Variants in PIEZO2 observed in about 807,000 individuals in gnomAD.
PIEZO2 encodes piezo-type mechanosensitive ion channel component 2.
Under a neutral mutation model 337.3 loss-of-function variants are expected in PIEZO2, and 172 were observed. The observed-to-expected ratio is 0.51, with a 90% confidence interval of 0.45 to 0.58. PIEZO2 has a LOEUF of 0.58. Among genes scored for constraint, PIEZO2 ranks in the 20% least tolerant of loss-of-function variants. PIEZO2 has a pLI of 0.00. For synonymous variants in PIEZO2, 1,251 were observed against 1,228.5 expected (o/e 1.02, Z -0.38); for missense variants, 3,028 against 3,391.3 (o/e 0.89, Z 2.66).
In PIEZO2 at chr18:10,716,457, G is replaced by A. The variant is rs2036014513; in HGVS notation, c.5090-641C>T. 6.6e-6 allele frequency among the ~76,000 whole-genome samples: 1 copy of A among 152,062 alleles called. No individual in the cohort carries two copies. The highest frequency in any genetic ancestry group is 2.1e-4 in the South Asian group (1 of 4,826). ...TCCCACCTGTGCTGTCACTACCCTG[G>A]TGACACCCAAACCTCAAAACCATGT... is the stretch of plus-strand genomic sequence containing the variant. On this transcript the variant is annotated intron_variant, in intron 37 of 55. Transcript: ENST00000674853. The surrounding 1 kb of genome is among the most constrained non-coding windows in gnomAD (Gnocchi z 4.1).
chr18:11,066,649 G>A (rs1040998517), intron 1 of PIEZO2, among the ~76,000 whole-genome samples: 10 of 152,130 alleles, frequency 6.6e-5, no homozygotes, highest in African/African-American at 2.4e-4. Flanking sequence ...GCCTAGGCTG[G>A]AGTGCAATGG....
At chr18:10,809,260 CTTTTTTTTTTT>C (rs869210659) in intron 7 of PIEZO2, among the ~76,000 whole-genome samples, 27 of 65,830 alleles carry the variant, frequency 4.1e-4, no homozygotes, top group Non-Finnish European at 5.3e-4. Flanking sequence ...CTCTCTCTCT[CTTTTTTTTTTT>C]TTTTTTTTTT....
At chr18:11,054,521 AC>A (rs1262380648) in intron 2 of PIEZO2, among the ~76,000 whole-genome samples, 1 of 152,216 alleles carries the variant, frequency 6.6e-6, no homozygotes, top group Admixed American at 6.5e-5. Flanking sequence ...ACATCAGGCA[AC>A]CTTCGGGCAA....
rs2040605825 is a variant in PIEZO2 at position 10,824,304 on chromosome 18, G to T, written c.918-17030C>A. Among the ~76,000 whole-genome samples the T allele has an allele frequency of 6.6e-6, 1 of 152,122 alleles. No individual in the cohort carries two copies. Among genetic ancestry groups the T allele is most frequent in the South Asian group, 2.1e-4 (1 of 4,828 alleles). The stretch of plus-strand genomic sequence containing the variant: ...AAGGCAACAAGAAGGTGATATAAAG[G>T]CCTTCAAGACCTTAATATTTGCAGA... On this transcript the variant is annotated intron_variant, in intron 7 of 55. Coordinates refer to ENST00000674853, the MANE Select transcript of PIEZO2 (RefSeq NM_001378183.1). This position sits in a 1 kb window ranked among gnomAD's most constrained non-coding sequence, Gnocchi z 4.4.
rs550955270 is a variant in PIEZO2 at position 11,100,785 on chromosome 18, CA to C, written c.65-34564del. Among the ~76,000 whole-genome samples the C allele has an allele frequency of 1.2e-4, 19 of 152,246 alleles. No individual in the cohort carries two copies. The South Asian group carries it at 3.9e-3, about 32-fold the overall frequency. On this transcript the variant is annotated intron_variant, in intron 1 of 55. Transcript: ENST00000674853. ...TAATTTTTTGTATTTTTAGTAGAGA[CA>C]GGGTTTCACCGTGTTAGCCAGGATG...
intron 18 of PIEZO2, among the ~76,000 whole-genome samples, chr18:10,776,227 G>A (rs2038780829): frequency 6.6e-6 from 1 of 152,062 alleles, no homozygotes; most frequent in South Asian, 2.1e-4. Context: ...AGGTGAGATG[G>A]GAAAGCTATG....
chr18:10,782,410 ATATTATAAT>A, intron 17 of PIEZO2, among the ~76,000 whole-genome samples: 1 of 62,212 alleles, frequency 1.6e-5, no homozygotes, highest in Non-Finnish European at 3.7e-5. Context: ...ATTATATAAT[ATATTATAAT>A]TATATATAAA....
intron 36 of PIEZO2, among the ~76,000 whole-genome samples, chr18:10,730,878 T>C (rs543713930): frequency 4.6e-5 from 7 of 152,070 alleles, no homozygotes; most frequent in East Asian, 1.9e-4. Context: ...AGGCGTCCGC[T>C]ACCACGCCGG....
At chr18:10,926,300 G>T (rs2031735608) in intron 3 of PIEZO2, among the ~76,000 whole-genome samples, 2 of 152,194 alleles carry the variant, frequency 1.3e-5, no homozygotes, top group Admixed American at 6.5e-5. Context: ...TCACAGCTTG[G>T]CATCGCCCAT....
chr18:10,684,074 CTT>C (rs1195502559), intron 49 of PIEZO2, among the ~76,000 whole-genome samples: 2 of 124,940 alleles, frequency 1.6e-5, no homozygotes. Context: ...TCCTTCCTTC[CTT>C]TTTCCTTCCT....
chr18:10,832,925 A>G (rs1021435515), intron 7 of PIEZO2, among the ~76,000 whole-genome samples: 1 of 152,058 alleles, frequency 6.6e-6, no homozygotes, highest in African/African-American at 2.4e-5. Flanking sequence ...GCAGGTCCCT[A>G]GGCTGGAGGA....
At chr18:10,698,407 GC>G (rs2035192713) in intron 44 of PIEZO2, among the ~76,000 whole-genome samples, 1 of 152,036 alleles carries the variant, frequency 6.6e-6, no homozygotes. Flanking sequence ...TCAGACAGGA[GC>G]CCCACAGATA....
rs1275693156 is a variant in PIEZO2, at chr18:10,945,316, A to C, written c.287-34088T>G. Among the ~76,000 whole-genome samples, 1 of 152,140 alleles carries C rather than the reference A, an allele frequency of 6.6e-6. No homozygotes were observed. The highest frequency in any genetic ancestry group is 1.5e-5 in the Non-Finnish European group (1 of 68,028). On this transcript the variant is annotated intron_variant, in intron 3 of 55. Transcript: ENST00000674853. This position sits in a 1 kb window ranked among gnomAD's most constrained non-coding sequence, Gnocchi z 4.0. The stretch of plus-strand genomic sequence containing the variant: ...CACCTCAGCTTCCCAAAGTGCTGGG[A>C]TTACAGATGTGAGCCACTGCACCTG...
At chr18:10,907,520 A>G (rs1421978582) in intron 4 of PIEZO2, among the ~76,000 whole-genome samples, 1 of 152,140 alleles carries the variant, frequency 6.6e-6, no homozygotes, top group Non-Finnish European at 1.5e-5. Flanking sequence ...CCTACCAATG[A>G]CACACCCCGT....
intron 51 of PIEZO2, 127 bp downstream of exon 51, chr18:10,681,534 G>T: frequency 1.4e-6 from 1 of 718,966 alleles, no homozygotes; most frequent in Non-Finnish European, 2.4e-6. Context: ...TGTGCTCTAT[G>T]TAACTGATAA....
Position 10,682,405 on chromosome 18 carries a change from G to A in PIEZO2, c.7498-113C>T. 2.1e-6 allele frequency: 2 copies of A among 938,890 alleles called. No homozygotes were observed. The highest frequency in any genetic ancestry group is 3.1e-6 in the Non-Finnish European group (2 of 643,234). The allele number at this position is 938,890 out of a possible 1,614,324, so 58.2% of individuals were successfully genotyped here. A position where few individuals can be genotyped will look rare whatever the true frequency, so the allele number is the denominator to read the frequency against. Reference sequence around the variant, plus strand: ...CTGTGGTGCTGGGAACATGGATTTGGCCCTGAATCTTCTCTGTTCGCTCTG... The same window carrying A: ...CTGTGGTGCTGGGAACATGGATTTGACCCTGAATCTTCTCTGTTCGCTCTG... On this transcript the variant is annotated intron_variant, in intron 49 of 55. Transcript: ENST00000674853. This position sits in a 1 kb window ranked among gnomAD's most constrained non-coding sequence, Gnocchi z 5.6.
In PIEZO2 at chr18:11,050,286, C is replaced by CATA. The variant is rs899305390; in HGVS notation, c.160+15838_160+15840dup. Among the ~76,000 whole-genome samples, 7 of 151,708 alleles carry CATA rather than the reference C, an allele frequency of 4.6e-5. No individual in the cohort carries two copies. The East Asian group carries it at 7.7e-4, about 17-fold the overall frequency. On this transcript the variant is annotated intron_variant, in intron 2 of 55. Coordinates refer to ENST00000674853, the MANE Select transcript of PIEZO2 (RefSeq NM_001378183.1). ...TTTGCTTTATTATGACATAATAAAA[C>CATA]ATAATAATAATAATAAGCCTAATGG...
chr18:10,879,391 CTTTTTTTTTTTTT>C (rs11385433), intron 4 of PIEZO2, among the ~76,000 whole-genome samples: 1 of 106,040 alleles, frequency 9.4e-6, no homozygotes, highest in South Asian at 3.1e-4. Context: ...CCTTTCCAAT[CTTTTTTTTTTTTT>C]TTTTTTTTTG....
intron 2 of PIEZO2, among the ~76,000 whole-genome samples, chr18:11,065,704 T>C (rs2145916200): frequency 6.6e-6 from 1 of 152,284 alleles, no homozygotes; most frequent in South Asian, 2.1e-4. Flanking sequence ...TACCCCATTC[T>C]CCTGTAAATG....
Sources: allele counts gnomAD v4.1 joint callset (sites outside exome capture counted in the v4.1 genomes callset), GRCh38; gene constraint gnomAD v4.1.1; non-coding constraint Gnocchi (gnomAD v3.1); transcripts MANE v1.5; gene names NCBI Gene and HGNC (gene_info 2026-07-23, HGNC 2026-07-21).